Variants in XKR9 observed in about 807,000 individuals in gnomAD.
The protein encoded by XKR9 is XK related 9.
XKR9 carries 32 observed loss-of-function variants against 32.0 expected under a neutral mutation model. The observed-to-expected ratio is 1.00, with a 90% confidence interval of 0.76 to 1.34. The LOEUF is 1.34. XKR9 is among the 40% of genes most tolerant of loss of function. The pLI is 0.00. For missense variants in XKR9, 546 were observed against 429.7 expected (o/e 1.27, Z -2.39); for synonymous variants, 168 against 143.4 (o/e 1.17, Z -1.22).
the XKR9 span, among the ~76,000 whole-genome samples, chr8:71,057,462 A>T: frequency 6.6e-6 from 1 of 152,178 alleles, no homozygotes; most frequent in African/African-American, 2.4e-5. Context: ...ATTCTCCCTA[A>T]GTCCTGTTAA....
the XKR9 span, among the ~76,000 whole-genome samples, chr8:70,924,859 G>T: frequency 6.6e-6 from 1 of 152,172 alleles, no homozygotes; most frequent in East Asian, 1.9e-4. Context: ...CTGTCACATT[G>T]TATGTGACTA....
chr8:71,044,617 C>G, the XKR9 span, among the ~76,000 whole-genome samples: 3 of 152,120 alleles, frequency 2.0e-5, no homozygotes, highest in Non-Finnish European at 4.4e-5. Context: ...GTTACTAATA[C>G]AGAAACAATT....
intron 3 of XKR9, among the ~76,000 whole-genome samples, chr8:70,706,005 A>G (rs910650027): frequency 6.6e-6 from 1 of 152,198 alleles, no homozygotes; most frequent in Non-Finnish European, 1.5e-5. Flanking sequence ...AATTGGAATT[A>G]TTCCCACATT....
intron 3 of XKR9, chr8:70,683,398 T>G: frequency 2.9e-6 from 1 of 346,414 alleles, no homozygotes; most frequent in Non-Finnish European, 5.6e-6. Context: ...GTAGTTAAAT[T>G]CTACTGAATT....
At chr8:70,830,405 A>T in the XKR9 span, among the ~76,000 whole-genome samples, 2 of 148,060 alleles carry the variant, frequency 1.4e-5, no homozygotes, top group African/African-American at 5.0e-5. Flanking sequence ...GCATGGCAAA[A>T]CCTTGTCTTT....
At chr8:70,811,762 A>G in the XKR9 span, among the ~76,000 whole-genome samples, 1 of 151,988 alleles carries the variant, frequency 6.6e-6, no homozygotes, top group African/African-American at 2.4e-5. Flanking sequence ...ATCTCAGAAT[A>G]GACCAATAAC....
intron 2 of XKR9, among the ~76,000 whole-genome samples, chr8:70,758,080 A>G (rs1304715278): frequency 6.6e-6 from 1 of 152,032 alleles, no homozygotes; most frequent in Non-Finnish European, 1.5e-5. Context: ...TCTGGGCACT[A>G]CCCTGGGACT....
chr8:70,916,649 A>G, the XKR9 span, among the ~76,000 whole-genome samples: 1 of 152,098 alleles, frequency 6.6e-6, no homozygotes, highest in African/African-American at 2.4e-5. Flanking sequence ...CACTTCTATA[A>G]AAATTTTAGA....
At chr8:71,022,183 A>G in the XKR9 span, among the ~76,000 whole-genome samples, 2,421 of 152,054 alleles carry the variant, frequency 0.016, 59 homozygotes, top group African/African-American at 0.055. Context: ...ATTCTGTTTC[A>G]TTTGTCTATG....
intron 2 of XKR9, among the ~76,000 whole-genome samples, chr8:70,775,552 A>G (rs764516310): frequency 2.0e-5 from 3 of 152,152 alleles, no homozygotes; most frequent in African/African-American, 4.8e-5. Flanking sequence ...CTCTGCATTT[A>G]TTGAGATGCT....
the XKR9 span, among the ~76,000 whole-genome samples, chr8:70,981,845 ATG>A: frequency 2.0e-5 from 3 of 152,174 alleles, no homozygotes; most frequent in African/African-American, 7.2e-5. Flanking sequence ...CCTTGATATG[ATG>A]TTCTCTCCCT....
At chr8:71,022,959 A>G in the XKR9 span, among the ~76,000 whole-genome samples, 5 of 150,904 alleles carry the variant, frequency 3.3e-5, no homozygotes, top group African/African-American at 1.2e-4. Context: ...TTTTAATGAT[A>G]TCTATTTCTT....
At chr8:70,699,517 C>G (rs1298716304) in intron 3 of XKR9, among the ~76,000 whole-genome samples, 2 of 152,178 alleles carry the variant, frequency 1.3e-5, no homozygotes, top group African/African-American at 2.4e-5. Context: ...GGCCCCCACT[C>G]TCTTCTGGCT....
chr8:70,826,948 C>T, the XKR9 span, among the ~76,000 whole-genome samples: 1 of 152,030 alleles, frequency 6.6e-6, no homozygotes, highest in Non-Finnish European at 1.5e-5. Flanking sequence ...TGAAAAAATG[C>T]AGGCTACAGG....
chr8:71,009,609 T>C, the XKR9 span, among the ~76,000 whole-genome samples: 166 of 152,220 alleles, frequency 1.1e-3, no homozygotes, highest in African/African-American at 3.7e-3. Flanking sequence ...TAGTCAATGC[T>C]CAATAAATAG....
At chr8:71,049,385 G>T in the XKR9 span, among the ~76,000 whole-genome samples, 2 of 152,142 alleles carry the variant, frequency 1.3e-5, no homozygotes, top group Admixed American at 6.6e-5. Flanking sequence ...AAATCAAAAT[G>T]GAACTGTATG....
In XKR9 at chr8:70,734,430, T is replaced by C; in HGVS notation, c.*6T>C. The C allele has an allele frequency of 3.9e-6, 6 of 1,523,010 alleles. No individual in the cohort carries two copies. The highest frequency in any genetic ancestry group is 1.3e-5 in the South Asian group (1 of 75,474). 94.3% of individuals were successfully genotyped at this position (1,523,010 alleles called of 1,614,324 possible). A position where few individuals can be genotyped will look rare whatever the true frequency, so the allele number is the denominator to read the frequency against. ...GATATTTCCTAATGGAATAAGCTAT[T>C]CATTTATGATATATATTTTCTTATA... On this transcript the variant is annotated 3_prime_UTR_variant, in exon 5 of 5. Coordinates refer to ENST00000408926, the MANE Select transcript of XKR9 (RefSeq NM_001011720.2).
chr8:70,681,783 A>G (rs895672569), intron 3 of XKR9, among the ~76,000 whole-genome samples: 1 of 151,978 alleles, frequency 6.6e-6, no homozygotes, highest in African/African-American at 2.4e-5. Context: ...GAACTAAAGC[A>G]ACCTTAAGAA....
At chr8:70,889,922 T>C in the XKR9 span, among the ~76,000 whole-genome samples, 1 of 152,088 alleles carries the variant, frequency 6.6e-6, no homozygotes, top group Non-Finnish European at 1.5e-5. Flanking sequence ...TTATTTTCTT[T>C]TGGATATATA....
Sources: gnomAD v4.1 joint callset for allele counts (sites outside exome capture counted in the v4.1 genomes callset) on GRCh38, gnomAD v4.1.1 for gene constraint, MANE v1.5 for transcripts, NCBI Gene and HGNC (gene_info 2026-07-23, HGNC 2026-07-21) for gene names.